ABCC5: variants seen among roughly 807,000 people sequenced by gnomAD.
ABCC5 encodes ATP-binding cassette sub-family C member 5.
ABCC5 carries 61 observed loss-of-function variants against 160.9 expected under a neutral mutation model. The observed-to-expected ratio is 0.38, with a 90% CI of 0.31 to 0.47. ABCC5 has a LOEUF of 0.47. Ranked by LOEUF, ABCC5 falls within the 20% of genes least tolerant of loss-of-function variation. The pLI, the probability that ABCC5 is intolerant of heterozygous loss-of-function variation, is 0.99. For missense variants in ABCC5, 1,308 were observed against 1,813.3 expected, an observed-to-expected ratio of 0.72 and a Z score of 5.06; for synonymous variants, 666 against 700.6, an observed-to-expected ratio of 0.95 and a Z score of 0.78.
In ABCC5 at chr3:183,963,121, C is replaced by T. The variant is rs1203629402; in HGVS notation, c.2235+264G>A. On this transcript the variant is annotated intron_variant, in intron 15 of 29. Transcript: ENST00000334444. This position sits in a 1 kb window ranked among gnomAD's most constrained non-coding sequence, Gnocchi z 4.6. ...TTCCAAACTATCTTATACCCAAACTCCATTTTTGGCCTGCTCCTCTCAGCC... is the reference window on the plus strand; with the variant it reads ...TTCCAAACTATCTTATACCCAAACTTCATTTTTGGCCTGCTCCTCTCAGCC... Among the ~76,000 whole-genome samples, 1 of 152,188 alleles carries T rather than the reference C, an allele frequency of 6.6e-6. No individual in the cohort carries two copies. Among genetic ancestry groups the T allele is most frequent in the African/African-American group, 2.4e-5 (1 of 41,450 alleles).
chr3:183,997,806 A>G (rs1392122063), intron 2 of ABCC5, among the ~76,000 whole-genome samples: 4 of 152,180 alleles, frequency 2.6e-5, no homozygotes. Context: ...TGTCTGAGAC[A>G]GGATTTTGCT....
chr3:183,995,626 T>C (rs1036849050), intron 2 of ABCC5, among the ~76,000 whole-genome samples: 28 of 152,178 alleles, frequency 1.8e-4, no homozygotes, highest in African/African-American at 6.5e-4. Flanking sequence ...CTCTATTTCA[T>C]TGATCTATTT....
rs1240076014 is a variant in ABCC5, at chr3:183,920,109, G to C, written c.*1191C>G. ...TGAGCTACCAGCCCCACAGCACAAA[G>C]GGGGTTTGCGGGAACACACCAAACC... is the stretch of plus-strand genomic sequence containing the variant. On this transcript the variant is annotated 3_prime_UTR_variant, in exon 30 of 30. Coordinates refer to ENST00000334444, the MANE Select transcript of ABCC5 (RefSeq NM_005688.4). This position sits in a 1 kb window ranked among gnomAD's most constrained non-coding sequence, Gnocchi z 4.1. 1 of 152,734 alleles carries C rather than the reference G, an allele frequency of 6.5e-6. No homozygotes were observed. The highest frequency in any genetic ancestry group is 1.9e-4 in the East Asian group (1 of 5,200). 9.5% of individuals were successfully genotyped at this position (152,734 alleles called of 1,614,324 possible). A position where few individuals can be genotyped will look rare whatever the true frequency, so the allele number is the denominator to read the frequency against.
chr3:183,999,471 T>C (rs1274185011), intron 2 of ABCC5, among the ~76,000 whole-genome samples: 8 of 152,154 alleles, frequency 5.3e-5, no homozygotes, highest in Admixed American at 2.0e-4. Context: ...TCAGTGAATA[T>C]TGTTGGGACA....
intron 2 of ABCC5, among the ~76,000 whole-genome samples, chr3:183,995,598 T>C (rs374329421): frequency 6.6e-6 from 1 of 152,226 alleles, no homozygotes; most frequent in East Asian, 1.9e-4. Flanking sequence ...GCCATGCCTG[T>C]GTGAGTCTAT....
At position 183,920,459 on chromosome 3, in the gene ABCC5, C is replaced by T. The variant is rs1344804057; in HGVS notation, c.*841G>A. ...GCCATAGGAACCTGAGGCAGTGGGACTCTCTGTGGATAGACTGATTCTTGT... is the reference window on the plus strand; with the variant it reads ...GCCATAGGAACCTGAGGCAGTGGGATTCTCTGTGGATAGACTGATTCTTGT... On this transcript the variant is annotated 3_prime_UTR_variant, in exon 30 of 30. Coordinates refer to ENST00000334444, the MANE Select transcript of ABCC5 (RefSeq NM_005688.4). The surrounding 1 kb of genome is among the most constrained non-coding windows in gnomAD (Gnocchi z 4.1). The T allele has an allele frequency of 1.3e-5, 2 of 152,566 alleles. No individual in the cohort carries two copies. Among genetic ancestry groups the T allele is most frequent in the South Asian group, 2.1e-4 (1 of 4,832 alleles). 9.5% of individuals were successfully genotyped at this position (152,566 alleles called of 1,614,324 possible). A position where few individuals can be genotyped will look rare whatever the true frequency, so the allele number is the denominator to read the frequency against.
At position 183,963,365 on chromosome 3, in the gene ABCC5, G is replaced by A. The variant is rs756290834; in HGVS notation, c.2235+20C>T. ...ATTTCCCAAACTCAGGCAGGCAGCC[G>A]AGGGAAGAAAGAACCATACCTGTAA... On this transcript the variant is annotated intron_variant, in intron 15 of 29. Transcript: ENST00000334444. This position sits in a 1 kb window ranked among gnomAD's most constrained non-coding sequence, Gnocchi z 4.6. The A allele has an allele frequency of 8.1e-6, 13 of 1,613,562 alleles. No homozygotes were observed. The highest frequency in any genetic ancestry group is 6.7e-5 in the East Asian group (3 of 44,898).
intron 17 of ABCC5, among the ~76,000 whole-genome samples, chr3:183,957,624 A>ATCGGTTACATGCAGATTTG: frequency 1.3e-5 from 1 of 74,524 alleles, no homozygotes; most frequent in Non-Finnish European, 3.1e-5. Flanking sequence ...ATGCAGATCC[A>ATCGGTTACATGCAGATTTG]TGTGTAAATC....
chr3:184,004,995 G>C (rs938602677), intron 2 of ABCC5, among the ~76,000 whole-genome samples: 1 of 152,208 alleles, frequency 6.6e-6, no homozygotes, highest in African/African-American at 2.4e-5. Context: ...ACAGCTGTCA[G>C]TGTCGTGGCG....
At chr3:183,993,242 T>C (rs1214639273) in intron 2 of ABCC5, among the ~76,000 whole-genome samples, 1 of 152,102 alleles carries the variant, frequency 6.6e-6, no homozygotes, top group Non-Finnish European at 1.5e-5. Flanking sequence ...CCCAGCACTT[T>C]GGGAGGCAAA....
chr3:183,932,986 T>C lies in ABCC5; in HGVS notation c.3855-4161A>G, dbSNP rs143533516. Among the ~76,000 whole-genome samples, 23 of 151,840 alleles carry C rather than the reference T, an allele frequency of 1.5e-4. 2 individuals carry two copies. In the East Asian group the frequency reaches 4.3e-3, roughly 28 times the overall value. ...TCAAGACCACCAGCCTGGCCAACTA[T>C]GTGAAACCCCATCTCTACTAAAAAT... On this transcript the variant is annotated intron_variant, in intron 26 of 29. Coordinates refer to ENST00000334444, the MANE Select transcript of ABCC5 (RefSeq NM_005688.4).
Position 183,971,606 on chromosome 3 carries a change from C to A in ABCC5, c.1718G>T (p.Arg573Leu). Residue 573 changes from arginine (R) to leucine (L), a missense_variant, in exon 11 of 30, where the codon CGC becomes CTC. Physicochemically the swap from Arg to Leu is moderately radical, Grantham distance 102. Transcript: ENST00000334444. ...GATGCTGTGCAGTGTCCTCTGTAAG[C>A]GCAGGTGGCCCAGGTGGATGTGCTT... is the stretch of plus-strand genomic sequence containing the variant. ...EGKHIHLGHL[R>L]LQRTLHSIDL... 1 of 1,614,114 alleles carries A rather than the reference C, an allele frequency of 6.2e-7. No homozygotes were observed. Among genetic ancestry groups the A allele is most frequent in the Non-Finnish European group, 8.5e-7 (1 of 1,180,020 alleles).
intron 2 of ABCC5, among the ~76,000 whole-genome samples, chr3:183,989,727 T>C (rs1337331292): frequency 6.6e-6 from 1 of 152,148 alleles, no homozygotes; most frequent in Non-Finnish European, 1.5e-5. Context: ...ATTAGTGTGG[T>C]ACCTTTGTTA....
intron 12 of ABCC5, among the ~76,000 whole-genome samples, chr3:183,966,040 A>G (rs1186020268): frequency 1.3e-5 from 2 of 152,210 alleles, no homozygotes; most frequent in Non-Finnish European, 2.9e-5. Context: ...AGCAGTGATG[A>G]ACCATGTGCT....
At chr3:183,931,688 A>G (rs530417798) in intron 26 of ABCC5, among the ~76,000 whole-genome samples, 137 of 152,318 alleles carry the variant, frequency 9.0e-4, no homozygotes, top group African/African-American at 3.0e-3. Flanking sequence ...GGAGCCTCAG[A>G]CCACTAAACA....
chr3:183,987,787 C>A lies in ABCC5; in HGVS notation c.574G>T (p.Ala192Ser). 1 of 1,614,178 alleles carries A rather than the reference C, an allele frequency of 6.2e-7. No individual in the cohort carries two copies. The highest frequency in any genetic ancestry group is 8.5e-7 in the Non-Finnish European group (1 of 1,180,030). Reference sequence around the variant, plus strand: ...GAACTTACTGGTCCACTGAAGCCAGCCAGCTGCGTGATCATCAGGCACACG... The same window carrying A: ...GAACTTACTGGTCCACTGAAGCCAGACAGCTGCGTGATCATCAGGCACACG... ...SIVCLMITQL[A>S]GFSGPAFMVK... Residue 192 changes from alanine (A) to serine (S), a missense_variant, in exon 5 of 30, where the codon GCT becomes TCT. Ala to Ser is a moderately conservative substitution (Grantham distance 99). Coordinates refer to ENST00000334444, the MANE Select transcript of ABCC5 (RefSeq NM_005688.4). This position sits in a 1 kb window ranked among gnomAD's most constrained non-coding sequence, Gnocchi z 4.2.
rs1299665477 is a variant in ABCC5 at position 183,938,148 on chromosome 3, T to C, written c.3695-88A>G. On this transcript the variant is annotated intron_variant, in intron 25 of 29. Coordinates refer to ENST00000334444, the MANE Select transcript of ABCC5 (RefSeq NM_005688.4). Reference sequence around the variant, plus strand: ...TTTAGCCTCAGGGCAATGCCAACTATTTTTCCATTTCTATTCAGTTGTTAT... The same window carrying C: ...TTTAGCCTCAGGGCAATGCCAACTACTTTTCCATTTCTATTCAGTTGTTAT... 3.1e-6 allele frequency: 4 copies of C among 1,306,172 alleles called. No individual in the cohort carries two copies. The African/African-American group carries it at 4.4e-5, about 14-fold the overall frequency. 80.9% of individuals were successfully genotyped at this position (1,306,172 alleles called of 1,614,324 possible).
Position 184,017,086 on chromosome 3 carries a change from C to G in ABCC5, c.-56+744G>C, listed in dbSNP as rs1011636685. On this transcript the variant is annotated intron_variant, in intron 1 of 29. Coordinates refer to ENST00000334444, the MANE Select transcript of ABCC5 (RefSeq NM_005688.4). This position sits in a 1 kb window ranked among gnomAD's most constrained non-coding sequence, Gnocchi z 4.5. ...GCTGCGGACCACAGTAAAACCTAGCCATCTCCTCCTCCAAGACCTCCTGAA... is the reference window on the plus strand; with the variant it reads ...GCTGCGGACCACAGTAAAACCTAGCGATCTCCTCCTCCAAGACCTCCTGAA... Among the ~76,000 whole-genome samples the G allele has an allele frequency of 6.6e-6, 1 of 152,338 alleles. No homozygotes were observed. The highest frequency in any genetic ancestry group is 2.1e-4 in the South Asian group (1 of 4,828).
At chr3:183,923,994 C>CAAT (rs1712262843) in intron 29 of ABCC5, among the ~76,000 whole-genome samples, 1 of 142,916 alleles carries the variant, frequency 7.0e-6, no homozygotes, top group Non-Finnish European at 1.5e-5. Flanking sequence ...TAAATCCCAC[C>CAAT]AATTTTTACT....
Sources: gnomAD v4.1 joint callset for allele counts (sites outside exome capture counted in the v4.1 genomes callset) on GRCh38, gnomAD v4.1.1 for gene constraint, Gnocchi (gnomAD v3.1) non-coding constraint, MANE v1.5 for transcripts, NCBI Gene and HGNC (gene_info 2026-07-23, HGNC 2026-07-21) for gene names.